Variants in PCSK5 observed in about 807,000 individuals in gnomAD.
PCSK5 encodes the protein prohormone convertase 5.
PCSK5 carries 129 observed loss-of-function variants against 233.2 expected under a neutral mutation model. That is an observed-to-expected ratio of 0.55 (90% CI 0.48 to 0.64). The LOEUF is 0.64. Among genes scored for constraint, PCSK5 ranks in the 30% least tolerant of loss-of-function variants. PCSK5 has a pLI of 0.00. For synonymous variants in PCSK5, 825 were observed against 879.2 expected (o/e 0.94, Z 1.09); for missense variants, 2,076 against 2,430.1 (o/e 0.85, Z 3.06).
rs1830493793 is a variant in PCSK5 at position 76,071,894 on chromosome 9, G to C, written c.890G>C (p.Arg297Thr). ...CGGCAAGCCTTTGAAAACGGCGTTA[G>C]AATGGTAGGTTTTAAAAGCATGGAG... ...LTRQAFENGV[R>T]MGRRGLGSVF... Residue 297 changes from arginine (R) to threonine (T), a missense_variant, in exon 7 of 38, where the codon AGA (arginine) becomes ACA (threonine). Physicochemically the swap from Arg to Thr is moderately conservative, Grantham distance 71. This residue lies in a region of PCSK5 where 178 missense variants were observed against 393.6 expected (regional missense o/e 0.45). Transcript: ENST00000674117. The C allele has an allele frequency of 6.2e-7, 1 of 1,613,890 alleles. No individual in the cohort carries two copies. Among genetic ancestry groups the C allele is most frequent in the African/African-American group, 1.3e-5 (1 of 75,056 alleles).
At chr9:76,122,519 C>T (rs1432487779) in intron 9 of PCSK5, among the ~76,000 whole-genome samples, 1 of 152,020 alleles carries the variant, frequency 6.6e-6, no homozygotes, top group Non-Finnish European at 1.5e-5. Flanking sequence ...CTTTTTTTCA[C>T]TACATTGTGT....
chr9:76,165,663 TGA>T (rs1823057317), intron 12 of PCSK5, among the ~76,000 whole-genome samples: 1 of 152,196 alleles, frequency 6.6e-6, no homozygotes, highest in Non-Finnish European at 1.5e-5. Flanking sequence ...ATCGAGCACG[TGA>T]TTATGAAGTC....
In PCSK5 at chr9:76,296,747, C is replaced by G; in HGVS notation, c.3405C>G (p.Cys1135Trp). 1.9e-6 allele frequency: 3 copies of G among 1,611,772 alleles called. No individual in the cohort carries two copies. Among genetic ancestry groups the G allele is most frequent in the Admixed American group, 3.3e-5 (2 of 59,980 alleles). ...MGECESCHRA[C>W]ETCTGPGHDE... The stretch of plus-strand genomic sequence containing the variant: ...AATGTGAGTCCTGCCACCGAGCATG[C>G]GAAACCTGCACAGGCCCTGGTCATG... Residue 1135 changes from cysteine to tryptophan, a missense_variant, in exon 27 of 38, where the codon TGC becomes TGG. This residue lies in a region of PCSK5 where 1,510 missense variants were observed against 1,538.1 expected (regional missense o/e 0.98). Transcript: ENST00000674117.
chr9:76,151,111 T>C (rs1823656812), intron 10 of PCSK5, among the ~76,000 whole-genome samples: 1 of 152,038 alleles, frequency 6.6e-6, no homozygotes, highest in African/African-American at 2.4e-5. Context: ...TCTCCTCCTG[T>C]CCTGCACATT....
In PCSK5 at chr9:76,184,707, C is replaced by T. The variant is rs1003731654; in HGVS notation, c.2232C>T (p.Cys744=). The T allele has an allele frequency of 1.2e-6, 2 of 1,611,312 alleles. No individual in the cohort carries two copies. The highest frequency in any genetic ancestry group is 2.2e-5 in the East Asian group (1 of 44,758). ...TTTGCCGGAAATGCAGTGAAAACTG[C>T]AAGACATGTACTGAATTCCATAACT... ...KNLCRKCSEN[C]KTCTEFHNCT... is the part of the protein sequence containing the mutation. Residue 744 remains cysteine, a synonymous_variant, in exon 17 of 38, where the codon TGC becomes TGT. Transcript: ENST00000674117.
In PCSK5 at chr9:75,891,324, C is replaced by T; in HGVS notation, c.143C>T (p.Pro48Leu). 2 of 1,561,354 alleles carry T rather than the reference C, an allele frequency of 1.3e-6. No homozygotes were observed. The highest frequency in any genetic ancestry group is 1.7e-6 in the Non-Finnish European group (2 of 1,157,696). Residue 48 changes from proline to leucine, a missense_variant, in exon 1 of 38, where the codon CCG becomes CTG. Pro to Leu is a moderately conservative substitution (Grantham distance 98). Coordinates refer to ENST00000674117, the MANE Select transcript of PCSK5 (RefSeq NM_001372043.1). The stretch of plus-strand genomic sequence containing the variant: ...GCAGTCAAAATCGCCGGGGGCTTCC[C>T]GGAGGCCAACCGTATCGCCAGCAAG... ...HWAVKIAGGF[P>L]EANRIASKYG...
At chr9:76,060,261 G>C (rs1415016496) in intron 5 of PCSK5, among the ~76,000 whole-genome samples, 1 of 152,088 alleles carries the variant, frequency 6.6e-6, no homozygotes, top group Non-Finnish European at 1.5e-5. Context: ...CTGTTGACTG[G>C]AAGCCTTATT....
At chr9:76,241,035 G>T (rs2131330434) in intron 24 of PCSK5, among the ~76,000 whole-genome samples, 1 of 152,334 alleles carries the variant, frequency 6.6e-6, no homozygotes, top group Admixed American at 6.5e-5. Context: ...GACACATTTG[G>T]AAGATTAACA....
chr9:75,986,960 CAT>C (rs1252517789), intron 3 of PCSK5, among the ~76,000 whole-genome samples: 3 of 152,238 alleles, frequency 2.0e-5, no homozygotes, highest in East Asian at 1.9e-4. Context: ...ATGAAATCCA[CAT>C]GTCACCAATT....
Position 75,986,048 on chromosome 9 carries a change from A to G in PCSK5, c.298-84A>G, listed in dbSNP as rs887998778. On this transcript the variant is annotated intron_variant, in intron 2 of 37. Coordinates refer to ENST00000674117, the MANE Select transcript of PCSK5 (RefSeq NM_001372043.1). ...CTTGTGACTTAAATAGCCTTGACTT[A>G]CAATGGGAAATGCCTCAGACTGTCA... The G allele has an allele frequency of 3.7e-6, 3 of 802,118 alleles. No homozygotes were observed. In the African/African-American group the frequency reaches 5.1e-5, roughly 14 times the overall value. The allele number at this position is 802,118 out of a possible 1,614,324, so 49.7% of individuals were successfully genotyped here. A position where few individuals can be genotyped will look rare whatever the true frequency, so the allele number is the denominator to read the frequency against.
chr9:76,254,237 G>A (rs148064246), intron 24 of PCSK5, among the ~76,000 whole-genome samples: 2 of 152,330 alleles, frequency 1.3e-5, no homozygotes, highest in African/African-American at 4.8e-5. Flanking sequence ...AGAAAATAAT[G>A]ATTGTGTGTA....
intron 2 of PCSK5, among the ~76,000 whole-genome samples, chr9:75,950,013 C>A (rs191851792): frequency 4.3e-4 from 66 of 152,222 alleles, no homozygotes; most frequent in African/African-American, 1.5e-3. Context: ...CTCTCCACAC[C>A]ATAGTGGTTA....
intron 24 of PCSK5, among the ~76,000 whole-genome samples, chr9:76,270,893 C>T (rs1176255199): frequency 2.0e-5 from 3 of 152,068 alleles, no homozygotes; most frequent in African/African-American, 7.2e-5. Flanking sequence ...CAAACCTGCA[C>T]CTGTTCTGTG....
At chr9:76,170,074 T>C (rs1360507634) in intron 13 of PCSK5, among the ~76,000 whole-genome samples, 1 of 152,236 alleles carries the variant, frequency 6.6e-6, no homozygotes, top group Non-Finnish European at 1.5e-5. Flanking sequence ...TGACAGCTTT[T>C]GATTGATGTT....
intron 20 of PCSK5, chr9:76,209,380 C>T (rs1269252976): frequency 9.3e-6 from 3 of 322,236 alleles, no homozygotes; most frequent in South Asian, 2.5e-5. Context: ...AGCTTCTAAC[C>T]GTACTAATCA....
At chr9:76,162,138 A>G (rs1822888976) in intron 12 of PCSK5, among the ~76,000 whole-genome samples, 1 of 152,178 alleles carries the variant, frequency 6.6e-6, no homozygotes, top group South Asian at 2.1e-4. Flanking sequence ...TATTGCTCTG[A>G]GCAGCTGACC....
rs1432891118 is a variant in PCSK5, at chr9:76,292,213, T to G, written c.3143-20T>G. On this transcript the variant is annotated intron_variant, in intron 24 of 37. Coordinates refer to ENST00000674117, the MANE Select transcript of PCSK5 (RefSeq NM_001372043.1). Reference sequence around the variant, plus strand: ...ACGAATTCCTCATGATTATTACTTTTTATTATTTTTTTTTTCCAGATGATC... The same window carrying G: ...ACGAATTCCTCATGATTATTACTTTGTATTATTTTTTTTTTCCAGATGATC... 2.1e-6 allele frequency: 3 copies of G among 1,447,186 alleles called. No homozygotes were observed. Among genetic ancestry groups the G allele is most frequent in the Non-Finnish European group, 2.9e-6 (3 of 1,047,000 alleles). 89.6% of individuals were successfully genotyped at this position (1,447,186 alleles called of 1,614,324 possible).
intron 1 of PCSK5, among the ~76,000 whole-genome samples, chr9:75,931,302 A>C (rs958042298): frequency 1.3e-5 from 2 of 150,572 alleles, no homozygotes; most frequent in Non-Finnish European, 2.9e-5. Flanking sequence ...ACTTGTCCCA[A>C]CTGGAAAACA....
At chr9:75,919,697 C>A (rs1456532276) in intron 1 of PCSK5, among the ~76,000 whole-genome samples, 1 of 152,132 alleles carries the variant, frequency 6.6e-6, no homozygotes, top group Non-Finnish European at 1.5e-5. Flanking sequence ...AGTGGCTGAA[C>A]CTTAGGAACT....
Sources: allele counts gnomAD v4.1 joint callset (sites outside exome capture counted in the v4.1 genomes callset), GRCh38; gene constraint gnomAD v4.1.1; regional missense constraint gnomAD v4.1.1; transcripts MANE v1.5; gene names NCBI Gene and HGNC (gene_info 2026-07-23, HGNC 2026-07-21).